The following TASP1 variants were observed in gnomAD, a reference collection of about 807,000 sequenced individuals.
TASP1 encodes taspase 1.
Under a neutral mutation model 56.6 loss-of-function variants are expected in TASP1, and 16 were observed. The observed-to-expected ratio is 0.28, with a 90% confidence interval of 0.19 to 0.43. The LOEUF (loss-of-function observed/expected upper bound fraction) is 0.43, where lower values mean the gene tolerates loss of function less well. Ranked by LOEUF, TASP1 falls within the 20% of genes least tolerant of loss-of-function variation. TASP1 has a pLI of 1.00. For synonymous variants in TASP1, 179 were observed against 184.2 expected (o/e 0.97, Z 0.23); for missense variants, 393 against 511.6 (o/e 0.77, Z 2.24).
the TASP1 span, among the ~76,000 whole-genome samples, chr20:13,135,492 T>C: frequency 5.9e-5 from 9 of 152,320 alleles, no homozygotes; most frequent in Middle Eastern, 3.4e-3. Context: ...ATCTAGTGAA[T>C]ATTAGATATT....
chr20:13,291,206 C>A, the TASP1 span, among the ~76,000 whole-genome samples: 1 of 152,166 alleles, frequency 6.6e-6, no homozygotes, highest in African/African-American at 2.4e-5. Context: ...CTCTTCATAC[C>A]TTTTCTTCTC....
intron 12 of TASP1, among the ~76,000 whole-genome samples, chr20:13,421,108 C>CTT (rs34805037): frequency 1.6e-5 from 2 of 123,414 alleles, no homozygotes; most frequent in Non-Finnish European, 3.4e-5. Flanking sequence ...CGTTTTCCTT[C>CTT]TTTTTTTTTT....
chr20:13,607,852 A>G (rs1431682426), intron 4 of TASP1, among the ~76,000 whole-genome samples: 1 of 152,184 alleles, frequency 6.6e-6, no homozygotes, highest in Non-Finnish European at 1.5e-5. Flanking sequence ...CTGTAATCTC[A>G]GCTACTCAGA....
chr20:13,187,822 G>A, the TASP1 span, among the ~76,000 whole-genome samples: 4 of 151,056 alleles, frequency 2.6e-5, no homozygotes, highest in African/African-American at 2.4e-5. Flanking sequence ...ACAAGGATAA[G>A]GATTACAGTG....
the TASP1 span, among the ~76,000 whole-genome samples, chr20:13,187,201 G>A: frequency 2.6e-5 from 4 of 152,014 alleles, no homozygotes. Flanking sequence ...AAAAATAAGT[G>A]AAAAATGCAG....
chr20:13,261,993 C>G, the TASP1 span, among the ~76,000 whole-genome samples: 1 of 152,170 alleles, frequency 6.6e-6, no homozygotes, highest in Non-Finnish European at 1.5e-5. Flanking sequence ...GTGTCCTGTT[C>G]GACACCCGTT....
chr20:13,590,456 G>A lies in TASP1; in HGVS notation c.283-3086C>T, dbSNP rs573474037. 1.7e-4 allele frequency among the ~76,000 whole-genome samples: 26 copies of A among 152,130 alleles called. No individual in the cohort carries two copies. The East Asian group carries it at 3.1e-3, about 18-fold the overall frequency. The stretch of plus-strand genomic sequence containing the variant: ...AAACGCAGAAATGACAACAATGACC[G>A]AATTAGCAAACAATTTTAATGTTAG... On this transcript the variant is annotated intron_variant, in intron 4 of 13. Coordinates refer to ENST00000337743, the MANE Select transcript of TASP1 (RefSeq NM_017714.3).
the TASP1 span, among the ~76,000 whole-genome samples, chr20:13,124,799 T>A: frequency 6.6e-6 from 1 of 152,130 alleles, no homozygotes; most frequent in Non-Finnish European, 1.5e-5. Flanking sequence ...GGAAAAGTGA[T>A]GGGCAGGGAC....
At chr20:13,191,943 T>C in the TASP1 span, among the ~76,000 whole-genome samples, 1 of 152,206 alleles carries the variant, frequency 6.6e-6, no homozygotes, top group South Asian at 2.1e-4. Flanking sequence ...GGCACCTTTG[T>C]CTTGGATTTC....
At chr20:13,438,600 G>A (rs1161172479) in intron 11 of TASP1, among the ~76,000 whole-genome samples, 2 of 152,154 alleles carry the variant, frequency 1.3e-5, no homozygotes, top group Non-Finnish European at 2.9e-5. Flanking sequence ...CATGGGCAAG[G>A]ACTTTATGTC....
the TASP1 span, among the ~76,000 whole-genome samples, chr20:13,343,526 C>A: frequency 2.0e-5 from 3 of 152,122 alleles, no homozygotes; most frequent in East Asian, 1.9e-4. Flanking sequence ...TCCCTGCAGG[C>A]TGCGGTTCCA....
intron 8 of TASP1, among the ~76,000 whole-genome samples, chr20:13,550,765 AT>A (rs749705129): frequency 7.6e-4 from 115 of 152,182 alleles, no homozygotes; most frequent in Non-Finnish European, 1.4e-3. Context: ...TTTGAAACTT[AT>A]ATTTATGGAA....
chr20:13,398,547 C>T (rs2041627557), intron 13 of TASP1, among the ~76,000 whole-genome samples: 1 of 152,168 alleles, frequency 6.6e-6, no homozygotes, highest in African/African-American at 2.4e-5. Context: ...TCCCAAATGT[C>T]AAGGAATGCC....
At chr20:13,277,570 C>T in the TASP1 span, among the ~76,000 whole-genome samples, 111 of 152,222 alleles carry the variant, frequency 7.3e-4, no homozygotes, top group East Asian at 6.0e-3. Flanking sequence ...TACTCTCCCA[C>T]GACCATTCAT....
At chr20:13,188,048 C>A in the TASP1 span, among the ~76,000 whole-genome samples, 4 of 152,122 alleles carry the variant, frequency 2.6e-5, no homozygotes, top group Admixed American at 2.6e-4. Flanking sequence ...GTTCAGCTAG[C>A]TTGCCCTATT....
intron 7 of TASP1, among the ~76,000 whole-genome samples, chr20:13,562,264 T>C (rs1032578753): frequency 2.6e-5 from 4 of 151,926 alleles, no homozygotes; most frequent in African/African-American, 7.3e-5. Context: ...AAAAGCCTTA[T>C]GAAGGGAAAA....
the TASP1 span, among the ~76,000 whole-genome samples, chr20:13,222,085 G>T: frequency 6.6e-6 from 1 of 152,174 alleles, no homozygotes; most frequent in African/African-American, 2.4e-5. Flanking sequence ...GAGGCGGAGC[G>T]GGGGCACGTG....
intron 13 of TASP1, among the ~76,000 whole-genome samples, 173 bp from the exon 14 acceptor site, chr20:13,390,625 G>A (rs925538038): frequency 2.6e-5 from 4 of 152,256 alleles, no homozygotes; most frequent in East Asian, 1.9e-4. Context: ...AAGATCGTTT[G>A]TTCAAATCGC....
chr20:13,249,589 G>A, the TASP1 span, among the ~76,000 whole-genome samples: 1 of 152,194 alleles, frequency 6.6e-6, no homozygotes, highest in African/African-American at 2.4e-5. Context: ...AACCCCGCCA[G>A]GCTCTTTATT....
Sources: gnomAD v4.1 joint callset for allele counts (sites outside exome capture counted in the v4.1 genomes callset) on GRCh38, gnomAD v4.1.1 for gene constraint, MANE v1.5 for transcripts, NCBI Gene and HGNC (gene_info 2026-07-23, HGNC 2026-07-21) for gene names.